Variants in TRIM22 observed in about 807,000 individuals in gnomAD.
TRIM22 encodes tripartite motif containing 22, also known as E3 ubiquitin-protein ligase TRIM22.
TRIM22 carries 45 observed loss-of-function variants against 53.6 expected under a neutral mutation model. That is an observed-to-expected ratio of 0.84 (90% CI 0.66 to 1.08). The LOEUF (loss-of-function observed/expected upper bound fraction) is 1.08, where lower values mean the gene tolerates loss of function less well. Ranked by LOEUF, TRIM22 falls within the 50% of genes least tolerant of loss-of-function variation. The pLI, the probability that TRIM22 is intolerant of heterozygous loss-of-function variation, is 0.00. For synonymous variants in TRIM22, 225 were observed against 216.6 expected, an observed-to-expected ratio of 1.04 and a Z score of -0.34; for missense variants, 616 against 590.9, an observed-to-expected ratio of 1.04 and a Z score of -0.44.
rs369811867 is a variant in TRIM22, at chr11:5,700,605, T to TTTTTTTTTTC, written c.750+2060_750+2061insTTTTTTTTTC. Among the ~76,000 whole-genome samples the TTTTTTTTTTC allele has an allele frequency of 1.5e-3, 143 of 92,892 alleles. 1 individual carries two copies. Among genetic ancestry groups the TTTTTTTTTTC allele is most frequent in the African/African-American group, 2.1e-3 (48 of 22,702 alleles). The allele number at this position is 92,892 out of a possible 152,430, so 60.9% of individuals were successfully genotyped here. A position where few individuals can be genotyped will look rare whatever the true frequency, so the allele number is the denominator to read the frequency against. On this transcript the variant is annotated intron_variant, in intron 4 of 7. Coordinates refer to ENST00000379965, the MANE Select transcript of TRIM22 (RefSeq NM_006074.5). ...GAGTCTTTTTTTTTTTTTTTTTTTT[T>TTTTTTTTTTC]CAGATTTGTAATGAAGTTGAGAAAC...
At chr11:5,708,937 T>G in intron 7 of TRIM22, 116 bp from the exon 8 acceptor site, 3 of 830,058 alleles carry the variant, frequency 3.6e-6, no homozygotes, top group Middle Eastern at 2.5e-4. Flanking sequence ...CCTCTGACTA[T>G]CAACACAAGT....
chr11:5,692,742 T>A (rs564055797), intron 1 of TRIM22, among the ~76,000 whole-genome samples: 164 of 151,456 alleles, frequency 1.1e-3, no homozygotes, highest in Middle Eastern at 6.8e-3. Flanking sequence ...GGAGGACTGC[T>A]TGAGTTGAGG....
At chr11:5,693,354 TTA>T (rs1453276845) in intron 1 of TRIM22, among the ~76,000 whole-genome samples, 15 of 151,986 alleles carry the variant, frequency 9.9e-5, no homozygotes. Context: ...TGCATTTTGT[TTA>T]TGTGTCTGTC....
At chr11:5,699,818 G>A in intron 4 of TRIM22, among the ~76,000 whole-genome samples, 1 of 147,964 alleles carries the variant, frequency 6.8e-6, no homozygotes, top group Non-Finnish European at 1.5e-5. Context: ...AACTAACACT[G>A]CTGAAAAGCT....
Position 5,710,047 on chromosome 11 carries a change from G to A in TRIM22, c.*399G>A. 5.7e-6 allele frequency: 1 copy of A among 175,442 alleles called. No individual in the cohort carries two copies. The highest frequency in any genetic ancestry group is 1.6e-4 in the East Asian group (1 of 6,414). 10.9% of individuals were successfully genotyped at this position (175,442 alleles called of 1,614,324 possible). A position where few individuals can be genotyped will look rare whatever the true frequency, so the allele number is the denominator to read the frequency against. On this transcript the variant is annotated 3_prime_UTR_variant, in exon 8 of 8. Coordinates refer to ENST00000379965, the MANE Select transcript of TRIM22 (RefSeq NM_006074.5). The stretch of plus-strand genomic sequence containing the variant: ...AAGACACCAGTCATACTGGCTCAGG[G>A]CCCACCGCTAATGCCTTAATGAAAT...
chr11:5,709,680 GT>G lies in TRIM22; in HGVS notation c.*33del. ...TCATTCCTTTACCCACTTCTGCATA[GT>G]AGCCCTTGTGCTGAGACTCAGATTC... is the stretch of plus-strand genomic sequence containing the variant. On this transcript the variant is annotated 3_prime_UTR_variant, in exon 8 of 8. Coordinates refer to ENST00000379965, the MANE Select transcript of TRIM22 (RefSeq NM_006074.5). The G allele has an allele frequency of 6.4e-7, 1 of 1,564,906 alleles. No homozygotes were observed. Among genetic ancestry groups the G allele is most frequent in the Non-Finnish European group, 8.7e-7 (1 of 1,153,690 alleles).
In TRIM22 at chr11:5,709,364, T is replaced by C. The variant is rs751590488; in HGVS notation, c.1213T>C (p.Tyr405His). 1 of 1,614,196 alleles carries C rather than the reference T, an allele frequency of 6.2e-7. No homozygotes were observed. The highest frequency in any genetic ancestry group is 1.1e-5 in the South Asian group (1 of 91,086). Residue 405 changes from tyrosine (Y) to histidine (H), a missense_variant, in exon 8 of 8, where the codon TAT becomes CAT. Transcript: ENST00000379965. ...SKVYSRYRPQ[Y>H]GYWVIGLQNT... The stretch of plus-strand genomic sequence containing the variant: ...AGTTTACTCCAGATATAGACCTCAA[T>C]ATGGCTACTGGGTTATAGGATTACA...
At chr11:5,695,244 T>C (rs1853238225) in intron 1 of TRIM22, among the ~76,000 whole-genome samples, 1 of 152,238 alleles carries the variant, frequency 6.6e-6, no homozygotes, top group Non-Finnish European at 1.5e-5. Context: ...TAGTATGTCC[T>C]TCTAAGAAGA....
intron 4 of TRIM22, among the ~76,000 whole-genome samples, chr11:5,704,356 T>A (rs1853425237): frequency 6.6e-6 from 1 of 152,166 alleles, no homozygotes; most frequent in Non-Finnish European, 1.5e-5. Flanking sequence ...GAGGAAGTAA[T>A]TCAGACTTTC....
Position 5,709,876 on chromosome 11 carries a change from T to G in TRIM22, c.*228T>G. ...GTGGGCTGGAAATCCCAAATCTAGA[T>G]TCCAGCAGAGTTGGTTCTTTCTGAG... On this transcript the variant is annotated 3_prime_UTR_variant, in exon 8 of 8. Transcript: ENST00000379965. The G allele has an allele frequency of 3.9e-6, 2 of 515,114 alleles. No homozygotes were observed. Among genetic ancestry groups the G allele is most frequent in the Non-Finnish European group, 3.4e-6 (1 of 291,308 alleles). The allele number at this position is 515,114 out of a possible 1,614,324, so 31.9% of individuals were successfully genotyped here.
At chr11:5,707,576 G>A (rs1490641639) in intron 5 of TRIM22, among the ~76,000 whole-genome samples, 1 of 152,136 alleles carries the variant, frequency 6.6e-6, no homozygotes. Flanking sequence ...TTGGGAAGCC[G>A]AGGCAGGCGG....
chr11:5,692,450 G>C (rs903799590), intron 1 of TRIM22, among the ~76,000 whole-genome samples: 8 of 152,208 alleles, frequency 5.3e-5, no homozygotes, highest in African/African-American at 1.9e-4. Flanking sequence ...TGACCAGAGA[G>C]TTAGAACTCT....
chr11:5,706,437 ATGT>A, intron 4 of TRIM22, 154 bp from the exon 5 acceptor site: 1 of 481,396 alleles, frequency 2.1e-6, no homozygotes, highest in East Asian at 3.6e-5. Flanking sequence ...GATAAAAGAA[ATGT>A]AATATTTTTA....
chr11:5,699,874 C>G (rs1047245675), intron 4 of TRIM22, among the ~76,000 whole-genome samples: 5 of 151,320 alleles, frequency 3.3e-5, no homozygotes, highest in Admixed American at 6.6e-5. Flanking sequence ...AGAGTTTTTT[C>G]TGTTTTACTT....
intron 3 of TRIM22, 58 bp downstream of exon 3, chr11:5,697,401 C>G: frequency 7.6e-7 from 1 of 1,315,752 alleles, no homozygotes; most frequent in South Asian, 1.3e-5. Flanking sequence ...GGACCCTGGG[C>G]TCTATCACAA....
At chr11:5,703,576 G>A (rs897429026) in intron 4 of TRIM22, among the ~76,000 whole-genome samples, 2 of 151,766 alleles carry the variant, frequency 1.3e-5, no homozygotes, top group African/African-American at 2.4e-5. Flanking sequence ...TAGTAGAGAC[G>A]GGGTTTCACC....
Position 5,710,101 on chromosome 11 carries a change from C to A in TRIM22, c.*453C>A, listed in dbSNP as rs1254051124. ...TTTAACATTATATTCTCTACAAAGACCTTATTTCCAAATAAGATAATATTT... is the reference window on the plus strand; with the variant it reads ...TTTAACATTATATTCTCTACAAAGAACTTATTTCCAAATAAGATAATATTT... On this transcript the variant is annotated 3_prime_UTR_variant, in exon 8 of 8. Coordinates refer to ENST00000379965, the MANE Select transcript of TRIM22 (RefSeq NM_006074.5). 1 of 154,476 alleles carries A rather than the reference C, an allele frequency of 6.5e-6. No individual in the cohort carries two copies. Among genetic ancestry groups the A allele is most frequent in the East Asian group, 1.9e-4 (1 of 5,224 alleles). 9.6% of individuals were successfully genotyped at this position (154,476 alleles called of 1,614,324 possible).
chr11:5,697,706 TG>T (rs934087259), intron 3 of TRIM22: 1 of 197,462 alleles, frequency 5.1e-6, no homozygotes, highest in African/African-American at 2.3e-5. Flanking sequence ...TTTTTTTGTT[TG>T]TTTGTTTGTT....
At position 5,698,527 on chromosome 11, in the gene TRIM22, G is replaced by T; in HGVS notation, c.732G>T (p.Ser244=). The change falls in exon 4 of 8, where the codon TCG becomes TCT. Residue 244 remains serine, a synonymous_variant. Coordinates refer to ENST00000379965, the MANE Select transcript of TRIM22 (RefSeq NM_006074.5). ...ATCTCCAGCGGAGGTTGAGGGGATC[G>T]TCAGTAGAGATGCTGCAGGTAAGAC... ...ISDLQRRLRG[S]SVEMLQDVID... The T allele has an allele frequency of 6.2e-7, 1 of 1,613,182 alleles. No individual in the cohort carries two copies. The highest frequency in any genetic ancestry group is 8.5e-7 in the Non-Finnish European group (1 of 1,179,394).
Sources: allele counts gnomAD v4.1 joint callset (sites outside exome capture counted in the v4.1 genomes callset), GRCh38; gene constraint gnomAD v4.1.1; transcripts MANE v1.5; gene names NCBI Gene and HGNC (gene_info 2026-07-23, HGNC 2026-07-21).